UGT2B28: variants seen among roughly 807,000 people sequenced by gnomAD.
UGT2B28 encodes the protein UDP glucuronosyltransferase family 2 member B28, also known as UDP-glucuronosyltransferase 2B28.
A neutral mutation model predicts 43.6 loss-of-function variants in UGT2B28; 45 were observed. That is an observed-to-expected ratio of 1.03 (90% confidence interval 0.81 to 1.32). The LOEUF is 1.32. UGT2B28 is among the 40% of genes most tolerant of loss of function. UGT2B28 has a pLI of 0.00. For synonymous variants in UGT2B28, 204 were observed against 208.1 expected (o/e 0.98, Z 0.17); for missense variants, 649 against 625.5 (o/e 1.04, Z -0.40).
Position 69,286,777 on chromosome 4 carries a change from C to G in UGT2B28, c.896C>G (p.Ser299Cys), listed in dbSNP as rs553814134. 34 of 1,555,122 alleles carry G rather than the reference C, an allele frequency of 2.2e-5. 5 individuals are homozygous for G. The highest frequency in any genetic ancestry group is 3.6e-5 in the Admixed American group (2 of 55,894). The change falls in exon 3 of 6, where the codon TCT becomes TGT. Residue 299 changes from serine to cysteine, a missense_variant. Coordinates refer to ENST00000335568, the MANE Select transcript of UGT2B28 (RefSeq NM_053039.2). ...PKEMEEFVQS[S>C]GENGVVVFSL... Reference sequence around the variant, plus strand: ...GAAATGGAGGAATTTGTACAGAGCTCTGGTGAAAATGGTGTTGTGGTGTTT... The same window carrying G: ...GAAATGGAGGAATTTGTACAGAGCTGTGGTGAAAATGGTGTTGTGGTGTTT...
intron 5 of UGT2B28, among the ~76,000 whole-genome samples, chr4:69,291,250 C>G (rs1309635181): frequency 1.4e-5 from 2 of 139,572 alleles, no homozygotes; most frequent in Admixed American, 7.2e-5. Flanking sequence ...ATTTCGATAG[C>G]TTAAAATCCA....
In UGT2B28 at chr4:69,286,071, A is replaced by G. The variant is rs1247287276; in HGVS notation, c.871-681A>G. ...TTCTGTATGATAAATGAGACTCTCA[A>G]GACTGAGTCATAAAAATTCCAAATC... is the stretch of plus-strand genomic sequence containing the variant. On this transcript the variant is annotated intron_variant, in intron 2 of 5. Transcript: ENST00000335568. Among the ~76,000 whole-genome samples the G allele has an allele frequency of 1.4e-5, 2 of 141,956 alleles. 1 individual carries two copies. Among genetic ancestry groups the G allele is most frequent in the East Asian group, 4.0e-4 (2 of 4,954 alleles). 93.1% of individuals were successfully genotyped at this position (141,956 alleles called of 152,430 possible). A position where few individuals can be genotyped will look rare whatever the true frequency, so the allele number is the denominator to read the frequency against.
chr4:69,290,957 A>G (rs1723938702), intron 5 of UGT2B28, 146 bp downstream of exon 5: 2 of 1,166,102 alleles, frequency 1.7e-6, no homozygotes, highest in Non-Finnish European at 2.3e-6. Flanking sequence ...TTTGTTTTTT[A>G]TCTGTTATTT....
rs1185658958 is a variant in UGT2B28, at chr4:69,287,718, C to A, written c.1002+835C>A. ...TAGGAAGGAGTCAAACAGAAGGAAG[C>A]CAGGCAGGGGAACAGGTTTAGATGT... On this transcript the variant is annotated intron_variant, in intron 3 of 5. Transcript: ENST00000335568. Among the ~76,000 whole-genome samples, 38 of 139,658 alleles carry A rather than the reference C, an allele frequency of 2.7e-4. 1 individual carries two copies. Among genetic ancestry groups the A allele is most frequent in the Non-Finnish European group, 4.6e-4 (30 of 65,604 alleles). 91.6% of individuals were successfully genotyped at this position (139,658 alleles called of 152,430 possible).
At chr4:69,289,899 G>T (rs373642923) in intron 4 of UGT2B28, 147 bp downstream of exon 4, 2 of 853,324 alleles carry the variant, frequency 2.3e-6, no homozygotes, top group Non-Finnish European at 1.7e-6. Context: ...TAGGGGAAAA[G>T]AATATGGTAG....
rs1367403534 is a variant in UGT2B28 at position 69,292,876 on chromosome 4, C to T, written c.1311-1654C>T. 2.9e-5 allele frequency among the ~76,000 whole-genome samples: 4 copies of T among 140,018 alleles called. 1 individual carries two copies. Among genetic ancestry groups the T allele is most frequent in the Non-Finnish European group, 6.1e-5 (4 of 65,550 alleles). The allele number at this position is 140,018 out of a possible 152,430, so 91.9% of individuals were successfully genotyped here. On this transcript the variant is annotated intron_variant, in intron 5 of 5. Transcript: ENST00000335568. ...TAATATTGGAAATTAAAAAAATACACTTCAAAAAAATTTAAAGTCAAGAAG... is the reference window on the plus strand; with the variant it reads ...TAATATTGGAAATTAAAAAAATACATTTCAAAAAAATTTAAAGTCAAGAAG...
At position 69,291,586 on chromosome 4, in the gene UGT2B28, A is replaced by C. The variant is rs141334676; in HGVS notation, c.1310+775A>C. 4.0e-3 allele frequency among the ~76,000 whole-genome samples: 559 copies of C among 140,538 alleles called. 98 individuals carry two copies. Among genetic ancestry groups the C allele is most frequent in the Admixed American group, 0.03 (425 of 13,972 alleles). 92.2% of individuals were successfully genotyped at this position (140,538 alleles called of 152,430 possible). A position where few individuals can be genotyped will look rare whatever the true frequency, so the allele number is the denominator to read the frequency against. ...TGTGTTTTAATACTTCATTTCCTTTACACTTGTGTAATATTTTATAGTATG... is the reference window on the plus strand; with the variant it reads ...TGTGTTTTAATACTTCATTTCCTTTCCACTTGTGTAATATTTTATAGTATG... On this transcript the variant is annotated intron_variant, in intron 5 of 5. Transcript: ENST00000335568.
In UGT2B28 at chr4:69,287,492, G is replaced by T. The variant is rs1459625739; in HGVS notation, c.1002+609G>T. On this transcript the variant is annotated intron_variant, in intron 3 of 5. Coordinates refer to ENST00000335568, the MANE Select transcript of UGT2B28 (RefSeq NM_053039.2). ...ATTAAGGAATGTACTATTTCTGTTT[G>T]TACTTTAAGTCAAATGCTTATGTGA... Among the ~76,000 whole-genome samples, 26 of 140,666 alleles carry T rather than the reference G, an allele frequency of 1.8e-4. 5 individuals are homozygous for T. Among genetic ancestry groups the T allele is most frequent in the Non-Finnish European group, 3.2e-4 (21 of 65,836 alleles). 92.3% of individuals were successfully genotyped at this position (140,666 alleles called of 152,430 possible).
At chr4:69,283,964 C>A (rs545743910) in intron 2 of UGT2B28, among the ~76,000 whole-genome samples, 1 of 140,868 alleles carries the variant, frequency 7.1e-6, no homozygotes, top group African/African-American at 2.8e-5. Context: ...CTCAACAATA[C>A]AAATGTGTGC....
rs768377453 is a variant in UGT2B28 at position 69,280,607 on chromosome 4, G to T, written c.107G>T (p.Trp36Leu). ...VLVWTGEYSH[W>L]MNMKTILKEL... is the part of the protein sequence containing the mutation. ...GTGTGGACCGGTGAATACAGCCATT[G>T]GATGAATATGAAGACAATCCTGAAA... Residue 36 changes from tryptophan (W) to leucine (L), a missense_variant, in exon 1 of 6, where the codon TGG becomes TTG. Physicochemically the swap from Trp to Leu is moderately conservative, Grantham distance 61 (BLOSUM62 -2). Coordinates refer to ENST00000335568, the MANE Select transcript of UGT2B28 (RefSeq NM_053039.2). The T allele has an allele frequency of 1.9e-6, 3 of 1,560,720 alleles. 1 individual carries two copies. The African/African-American group carries it at 4.5e-5, about 24-fold the overall frequency.
At position 69,294,931 on chromosome 4, in the gene UGT2B28, C is replaced by T. The variant is rs1256647513; in HGVS notation, c.*122C>T. 32 of 1,269,998 alleles carry T rather than the reference C, an allele frequency of 2.5e-5. 7 individuals carry two copies. The South Asian group carries it at 6.0e-4, about 24-fold the overall frequency. 78.7% of individuals were successfully genotyped at this position (1,269,998 alleles called of 1,614,324 possible). ...TCCTGTGACAAAAAAAAAAACTTTT[C>T]AAAATCTACCTTGTCAAGTAAAAAT... is the stretch of plus-strand genomic sequence containing the variant. On this transcript the variant is annotated 3_prime_UTR_variant, in exon 6 of 6. Transcript: ENST00000335568.
In UGT2B28 at chr4:69,282,657, C is replaced by T. The variant is rs1269492498; in HGVS notation, c.865C>T (p.Pro289Ser). The T allele has an allele frequency of 6.5e-6, 10 of 1,547,710 alleles. No homozygotes were observed. Among genetic ancestry groups the T allele is most frequent in the Non-Finnish European group, 8.7e-6 (10 of 1,151,408 alleles). The change falls in exon 2 of 6, where the codon CCT (proline) becomes TCT (serine). Residue 289 changes from proline (P) to serine (S), a missense_variant. Pro to Ser is a moderately conservative substitution (Grantham distance 74). Coordinates refer to ENST00000335568, the MANE Select transcript of UGT2B28 (RefSeq NM_053039.2). ...GLHCKPAKPL[P>S]KEMEEFVQSS... ...CCACTGCAAACCTGCCAAACCCCTA[C>T]CTAAGGTAAACATACTTTCGTTGGT...
chr4:69,289,612 C>T (rs1440312026), intron 3 of UGT2B28, 53 bp from the exon 4 acceptor site: 1 of 1,439,366 alleles, frequency 6.9e-7, no homozygotes, highest in Non-Finnish European at 9.4e-7. Flanking sequence ...TTCTAACATT[C>T]TATAATTTTT....
At position 69,290,707 on chromosome 4, in the gene UGT2B28, C is replaced by A; in HGVS notation, c.1206C>A (p.Asn402Lys). The change falls in exon 5 of 6, where the codon AAC becomes AAA. Residue 402 changes from asparagine (N) to lysine (K), a missense_variant. Coordinates refer to ENST00000335568, the MANE Select transcript of UGT2B28 (RefSeq NM_053039.2). ...CATTGTTTTGGGATCAACCTGATAA[C>A]ATTGCTCACATGAAGGCCAAGGGAG... ...GIPLFWDQPD[N>K]IAHMKAKGAA... 3.8e-6 allele frequency: 6 copies of A among 1,559,546 alleles called. No homozygotes were observed. Among genetic ancestry groups the A allele is most frequent in the Non-Finnish European group, 5.2e-6 (6 of 1,155,262 alleles).
At chr4:69,288,620 T>G (rs1723849645) in intron 3 of UGT2B28, among the ~76,000 whole-genome samples, 1 of 139,852 alleles carries the variant, frequency 7.2e-6, no homozygotes, top group Non-Finnish European at 1.5e-5. Context: ...AGTTCAGGAG[T>G]ACATGTGCAG....
At chr4:69,283,953 C>CAGGG in intron 2 of UGT2B28, among the ~76,000 whole-genome samples, 1 of 140,994 alleles carries the variant, frequency 7.1e-6, no homozygotes, top group Non-Finnish European at 1.5e-5. Flanking sequence ...TAAAACACTT[C>CAGGG]CTCAACAATA....
chr4:69,289,736 C>T lies in UGT2B28; in HGVS notation c.1074C>T (p.Pro358=). ...ATACTCGGCTGTATAAGTGGATACC[C>T]CAGAATGACCTTCTAGGTAACACTC... The part of the protein sequence containing the change: ...GLNTRLYKWI[P]QNDLLGLPKT... The change falls in exon 4 of 6, where the codon CCC becomes CCT. Residue 358 remains proline (P), a synonymous_variant. Transcript: ENST00000335568. 6.4e-7 allele frequency: 1 copy of T among 1,556,824 alleles called. No homozygotes were observed. The highest frequency in any genetic ancestry group is 1.5e-5 in the African/African-American group (1 of 66,112).
chr4:69,282,422 A>G, intron 1 of UGT2B28, 92 bp from the exon 2 acceptor site: 1 of 1,338,672 alleles, frequency 7.5e-7, no homozygotes, highest in Non-Finnish European at 9.8e-7. Flanking sequence ...CTTTACCTAC[A>G]TCTTTGCCTA....
intron 3 of UGT2B28, among the ~76,000 whole-genome samples, chr4:69,288,239 G>A (rs778913595): frequency 7.2e-6 from 1 of 138,690 alleles, no homozygotes; most frequent in Non-Finnish European, 1.5e-5. Flanking sequence ...CTTGGAAGTA[G>A]TGCTTGAAAA....
Sources: allele counts gnomAD v4.1 joint callset (sites outside exome capture counted in the v4.1 genomes callset), GRCh38; gene constraint gnomAD v4.1.1; transcripts MANE v1.5; gene names NCBI Gene and HGNC (gene_info 2026-07-23, HGNC 2026-07-21).